Variants in MALRD1 observed in about 807,000 individuals in gnomAD.
MALRD1 encodes MAM and LDL-receptor class A domain-containing protein 1.
MALRD1 carries 247 observed loss-of-function variants against 242.1 expected under a neutral mutation model. That is an observed-to-expected ratio of 1.02 (90% CI 0.92 to 1.13). The LOEUF (loss-of-function observed/expected upper bound fraction) is 1.13. MALRD1 is among the 50% of genes most tolerant of loss of function. MALRD1 has a pLI of 0.00. For missense variants in MALRD1, 2,989 were observed against 2,533.1 expected, an observed-to-expected ratio of 1.18 and a Z score of -3.86; for synonymous variants, 995 against 866.6, an observed-to-expected ratio of 1.15 and a Z score of -2.60.
chr10:19,083,243 C>T (rs1313876541), intron 2 of MALRD1, among the ~76,000 whole-genome samples: 1 of 151,974 alleles, frequency 6.6e-6, no homozygotes, highest in Non-Finnish European at 1.5e-5. Context: ...TGTTGGGGTG[C>T]ACTTTCCATG....
chr10:19,640,820 A>G (rs1589346469), intron 36 of MALRD1, among the ~76,000 whole-genome samples: 1 of 152,224 alleles, frequency 6.6e-6, no homozygotes, highest in East Asian at 1.9e-4. Context: ...AAATAGCTGA[A>G]ATGTGGAAAT....
intron 21 of MALRD1, among the ~76,000 whole-genome samples, chr10:19,287,567 A>G (rs1841187460): frequency 6.6e-6 from 1 of 152,070 alleles, no homozygotes; most frequent in South Asian, 2.1e-4. Flanking sequence ...TAGATGTTTT[A>G]TGATCTTAAT....
At chr10:19,683,748 T>G (rs1842466338) in intron 36 of MALRD1, among the ~76,000 whole-genome samples, 1 of 152,222 alleles carries the variant, frequency 6.6e-6, no homozygotes, top group Admixed American at 6.5e-5. Flanking sequence ...AAATGATTTT[T>G]TATACATTCT....
chr10:19,439,580 A>G (rs961384282), intron 28 of MALRD1, among the ~76,000 whole-genome samples: 1 of 152,016 alleles, frequency 6.6e-6, no homozygotes, highest in Admixed American at 6.6e-5. Context: ...AGTAAATAAA[A>G]CCGGTGCAGG....
chr10:19,418,853 G>A (rs1033012778), intron 28 of MALRD1, among the ~76,000 whole-genome samples: 1 of 152,046 alleles, frequency 6.6e-6, no homozygotes, highest in Non-Finnish European at 1.5e-5. Context: ...TTATCACATA[G>A]CAGTTTTGGG....
At position 19,128,302 on chromosome 10, in the gene MALRD1, G is replaced by A; in HGVS notation, c.1025G>A (p.Cys342Tyr). Residue 342 changes from cysteine to tyrosine, a missense_variant, in exon 8 of 40, where the codon TGT becomes TAT. Coordinates refer to ENST00000454679, the MANE Select transcript of MALRD1 (RefSeq NM_001142308.3). ...DSRAYLNSSVCHCLGKSCHLQ... is the reference protein window; with the variant it reads ...DSRAYLNSSVYHCLGKSCHLQ... Reference sequence around the variant, plus strand: ...AGGGCTTACCTAAATAGCTCTGTGTGTCATTGCCTGGGCAAGAGCTGTCAT... The same window carrying A: ...AGGGCTTACCTAAATAGCTCTGTGTATCATTGCCTGGGCAAGAGCTGTCAT... 1 of 1,233,542 alleles carries A rather than the reference G, an allele frequency of 8.1e-7. No homozygotes were observed. Among genetic ancestry groups the A allele is most frequent in the Non-Finnish European group, 1.0e-6 (1 of 987,850 alleles). 76.4% of individuals were successfully genotyped at this position (1,233,542 alleles called of 1,614,324 possible). A position where few individuals can be genotyped will look rare whatever the true frequency, so the allele number is the denominator to read the frequency against.
At chr10:19,216,304 G>A (rs1480855317) in intron 18 of MALRD1, among the ~76,000 whole-genome samples, 1 of 151,546 alleles carries the variant, frequency 6.6e-6, no homozygotes, top group Non-Finnish European at 1.5e-5. Context: ...TTTTAGTGGA[G>A]ACAAGGTTTC....
intron 28 of MALRD1, among the ~76,000 whole-genome samples, chr10:19,405,027 T>G (rs976660435): frequency 6.6e-6 from 1 of 152,132 alleles, no homozygotes; most frequent in African/African-American, 2.4e-5. Context: ...TTTAGTAGGT[T>G]TTTCATGACA....
chr10:19,355,965 C>T (rs1285334493), intron 26 of MALRD1, among the ~76,000 whole-genome samples: 1 of 148,426 alleles, frequency 6.7e-6, no homozygotes, highest in Non-Finnish European at 1.5e-5. Flanking sequence ...GGTTGGAATG[C>T]AGACAATATA....
At chr10:19,491,169 C>A in intron 29 of MALRD1, 1 of 478,458 alleles carries the variant, frequency 2.1e-6, no homozygotes, top group Admixed American at 2.4e-5. Context: ...CTCATCAGTG[C>A]ATGCTGACAA....
chr10:19,706,243 GA>G (rs1050587470), intron 38 of MALRD1, among the ~76,000 whole-genome samples: 2 of 152,226 alleles, frequency 1.3e-5, no homozygotes, highest in Non-Finnish European at 2.9e-5. Flanking sequence ...ATTACACTTA[GA>G]AAAGTGTGTT....
intron 28 of MALRD1, among the ~76,000 whole-genome samples, chr10:19,437,843 C>T (rs1485337752): frequency 3.3e-5 from 5 of 152,040 alleles, no homozygotes; most frequent in East Asian, 1.9e-4. Flanking sequence ...CTAGAAATCT[C>T]AATTCTATTA....
intron 28 of MALRD1, among the ~76,000 whole-genome samples, chr10:19,440,525 G>A (rs1834582255): frequency 6.6e-6 from 1 of 152,028 alleles, no homozygotes; most frequent in African/African-American, 2.4e-5. Context: ...CCCGATGTGT[G>A]ATGTTCCCCA....
At chr10:19,119,984 G>A (rs11008535) in intron 5 of MALRD1, among the ~76,000 whole-genome samples, 3 of 152,126 alleles carry the variant, frequency 2.0e-5, no homozygotes, top group Non-Finnish European at 4.4e-5. Context: ...TCTGTGACCC[G>A]AGGGAAGAGG....
intron 22 of MALRD1, among the ~76,000 whole-genome samples, chr10:19,326,054 TGA>T (rs1843120569): frequency 2.0e-5 from 3 of 152,120 alleles, no homozygotes; most frequent in African/African-American, 4.8e-5. Flanking sequence ...TTTTATAATG[TGA>T]GACTTCGTTC....
intron 15 of MALRD1, among the ~76,000 whole-genome samples, chr10:19,204,103 G>A (rs918272605): frequency 6.6e-6 from 1 of 152,122 alleles, no homozygotes; most frequent in Non-Finnish European, 1.5e-5. Flanking sequence ...ATTACCAATG[G>A]TCTTTGGTAT....
intron 33 of MALRD1, among the ~76,000 whole-genome samples, chr10:19,578,534 A>G (rs981935036): frequency 6.6e-6 from 1 of 152,168 alleles, no homozygotes; most frequent in Non-Finnish European, 1.5e-5. Flanking sequence ...TCTACTAAAA[A>G]TACAAAAATT....
At chr10:19,724,752 A>G (rs1834937322) in intron 38 of MALRD1, among the ~76,000 whole-genome samples, 1 of 152,222 alleles carries the variant, frequency 6.6e-6, no homozygotes, top group Admixed American at 6.5e-5. Context: ...AAAAGGAAGT[A>G]AAACGCATTC....
chr10:19,103,726 G>T (rs1429383516), intron 4 of MALRD1, among the ~76,000 whole-genome samples: 3 of 152,032 alleles, frequency 2.0e-5, no homozygotes, highest in African/African-American at 4.8e-5. Context: ...AAAAATCTAG[G>T]TGAGTATTGC....
Sources: gnomAD v4.1 joint callset for allele counts (sites outside exome capture counted in the v4.1 genomes callset) on GRCh38, gnomAD v4.1.1 for gene constraint, MANE v1.5 for transcripts, NCBI Gene and HGNC (gene_info 2026-07-23, HGNC 2026-07-21) for gene names.